Variants in HOOK1 observed in about 807,000 individuals in gnomAD.
The protein encoded by HOOK1 is protein Hook homolog 1.
Under a neutral mutation model 112.8 loss-of-function variants are expected in HOOK1, and 60 were observed. The ratio of observed to expected loss-of-function variants is 0.53; its 90% confidence interval spans 0.43 to 0.66. The LOEUF (loss-of-function observed/expected upper bound fraction) is 0.66. Ranked by LOEUF, HOOK1 falls within the 30% of genes least tolerant of loss-of-function variation. HOOK1 has a pLI of 0.00. For synonymous variants in HOOK1, 294 were observed against 283.8 expected, an observed-to-expected ratio of 1.04 and a Z score of -0.36; for missense variants, 770 against 856.0, an observed-to-expected ratio of 0.90 and a Z score of 1.25.
chr1:59,865,367 T>C, intron 18 of HOOK1, 122 bp downstream of exon 18: 1 of 532,620 alleles, frequency 1.9e-6, no homozygotes, highest in Non-Finnish European at 3.4e-6. Flanking sequence ...ATATTGTAAA[T>C]AAGGACTATG....
Position 59,864,667 on chromosome 1 carries a change from G to C in HOOK1, c.1661+1G>C. 6.6e-7 allele frequency: 1 copy of C among 1,522,760 alleles called. No homozygotes were observed. The allele number at this position is 1,522,760 out of a possible 1,614,324, so 94.3% of individuals were successfully genotyped here. On this transcript the variant is annotated splice_donor_variant, in intron 17 of 21. Coordinates refer to ENST00000371208, the MANE Select transcript of HOOK1 (RefSeq NM_015888.6). LOFTEE classifies it high-confidence loss of function. Reference sequence around the variant, plus strand: ...TAAAGCAGAAGTTGGAAGCTCATATGTAAGTAAAACTGATATTTCTTTTCA... The same window carrying C: ...TAAAGCAGAAGTTGGAAGCTCATATCTAAGTAAAACTGATATTTCTTTTCA...
At position 59,848,315 on chromosome 1, in the gene HOOK1, G is replaced by T. The variant is rs776229061; in HGVS notation, c.930G>T (p.Arg310Ser). Residue 310 changes from arginine to serine, a missense_variant and splice_region_variant, in exon 11 of 22, where the codon AGG becomes AGT. By Grantham distance (110) the Arg-to-Ser change is moderately radical (BLOSUM62 -1). Transcript: ENST00000371208. ...TAATGCTTAGTCTTTATGATTATAG[G>T]GCTACCTCTGATAAAGCAAATAAAC... ...RALKDEIDVL[R>S]ATSDKANKLE... 6.2e-7 allele frequency: 1 copy of T among 1,607,018 alleles called. No homozygotes were observed. Among genetic ancestry groups the T allele is most frequent in the Non-Finnish European group, 8.5e-7 (1 of 1,174,878 alleles).
At chr1:59,830,122 G>A (rs2098392702) in intron 3 of HOOK1, among the ~76,000 whole-genome samples, 1 of 151,940 alleles carries the variant, frequency 6.6e-6, no homozygotes, top group African/African-American at 2.4e-5. Flanking sequence ...CGAACCTATG[G>A]TCTGTCTTGG....
Position 59,855,084 on chromosome 1 carries a change from T to C in HOOK1, c.1243-3344T>C, listed in dbSNP as rs377726434. Reference sequence around the variant, plus strand: ...AACACAGAGAGAGCTATTCTAAGTATGTTCAAAGAACTAAAGCAAACCTTT... The same window carrying C: ...AACACAGAGAGAGCTATTCTAAGTACGTTCAAAGAACTAAAGCAAACCTTT... On this transcript the variant is annotated intron_variant, in intron 12 of 21. Coordinates refer to ENST00000371208, the MANE Select transcript of HOOK1 (RefSeq NM_015888.6). Among the ~76,000 whole-genome samples, 10 of 152,230 alleles carry C rather than the reference T, an allele frequency of 6.6e-5. No individual in the cohort carries two copies. The East Asian group carries it at 1.3e-3, about 20-fold the overall frequency.
At position 59,865,869 on chromosome 1, in the gene HOOK1, T is replaced by C; in HGVS notation, c.1745-3T>C. 3 of 1,472,676 alleles carry C rather than the reference T, an allele frequency of 2.0e-6. No homozygotes were observed. The highest frequency in any genetic ancestry group is 2.8e-6 in the Non-Finnish European group (3 of 1,074,316). 91.2% of individuals were successfully genotyped at this position (1,472,676 alleles called of 1,614,324 possible). ...TTATGCTTCATTTTATTTTTACTAA[T>C]AGTACAAAAGATCAATGAACTTGAA... On this transcript the variant is annotated splice_polypyrimidine_tract_variant and splice_region_variant and intron_variant, in intron 18 of 21. Coordinates refer to ENST00000371208, the MANE Select transcript of HOOK1 (RefSeq NM_015888.6).
At chr1:59,829,316 G>A (rs908073042) in intron 3 of HOOK1, among the ~76,000 whole-genome samples, 2 of 152,028 alleles carry the variant, frequency 1.3e-5, no homozygotes, top group African/African-American at 4.8e-5. Context: ...GTTGATGGAT[G>A]TTTGAATTTT....
At chr1:59,846,584 TTCCTCCC>T (rs1390282974) in intron 9 of HOOK1, among the ~76,000 whole-genome samples, 15 of 89,658 alleles carry the variant, frequency 1.7e-4, no homozygotes, top group African/African-American at 5.6e-4. Context: ...CCTTCCTTCC[TTCCTCCC>T]TCCTCCCTCC....
chr1:59,816,169 G>A (rs1167852182), intron 1 of HOOK1, among the ~76,000 whole-genome samples: 1 of 152,194 alleles, frequency 6.6e-6, no homozygotes, highest in Non-Finnish European at 1.5e-5. Context: ...AATCGGTTGA[G>A]ATTCCCTAGT....
intron 10 of HOOK1, 132 bp from the exon 11 acceptor site, chr1:59,848,183 C>T (rs17119789): frequency 0.07 from 44,097 of 625,990 alleles, 1,622 homozygotes; most frequent in African/African-American, 0.12. Context: ...ACAATTTCCT[C>T]TTCTCACTCA....
At chr1:59,833,733 G>T (rs1261672302) in intron 5 of HOOK1, among the ~76,000 whole-genome samples, 196 bp downstream of exon 5, 3 of 152,068 alleles carry the variant, frequency 2.0e-5, no homozygotes, top group Admixed American at 2.0e-4. Flanking sequence ...CCTGGATTCT[G>T]ATATTCATAT....
At position 59,872,839 on chromosome 1, in the gene HOOK1, C is replaced by G; in HGVS notation, c.2061C>G (p.Ser687Arg). 6.8e-7 allele frequency: 1 copy of G among 1,474,992 alleles called. No homozygotes were observed. Among genetic ancestry groups the G allele is most frequent in the South Asian group, 1.4e-5 (1 of 71,482 alleles). 91.4% of individuals were successfully genotyped at this position (1,474,992 alleles called of 1,614,324 possible). The change falls in exon 22 of 22, where the codon AGC (serine) becomes AGG (arginine). Residue 687 changes from serine (S) to arginine (R), a missense_variant. This residue lies in a region of HOOK1 where 111 missense variants were observed against 111.8 expected (regional missense o/e 0.99). Transcript: ENST00000371208. ...QKLGMESRLV[S>R]GGGACSDTGA... ...TGGGGATGGAATCTAGACTTGTGAG[C>G]GGCGGTGGTGCCTGCAGTGACACTG...
chr1:59,858,351 A>T, intron 12 of HOOK1, 77 bp from the exon 13 acceptor site: 2 of 904,046 alleles, frequency 2.2e-6, no homozygotes, highest in Non-Finnish European at 3.7e-6. Flanking sequence ...TAAACTAGTT[A>T]AGATAAATTG....
chr1:59,820,353 A>G (rs1197909440), intron 1 of HOOK1, among the ~76,000 whole-genome samples: 18 of 152,208 alleles, frequency 1.2e-4, no homozygotes. Flanking sequence ...CTTATTATGT[A>G]GATAATGCCA....
chr1:59,821,985 CAATACATACCA>C, intron 2 of HOOK1, 42 bp downstream of exon 2: 2 of 1,432,078 alleles, frequency 1.4e-6, no homozygotes, highest in Non-Finnish European at 2.0e-6. Context: ...ATTGTAAACC[CAATACATACCA>C]AGGAAGAAAA....
At position 59,842,824 on chromosome 1, in the gene HOOK1, A is replaced by T. The variant is rs188131329; in HGVS notation, c.622-608A>T. The stretch of plus-strand genomic sequence containing the variant: ...TCATGCATGTTTTAAAAATATGAAT[A>T]AAAAAAATTGCTCCAGGTACTGATA... On this transcript the variant is annotated intron_variant, in intron 8 of 21. Transcript: ENST00000371208. 1.4e-3 allele frequency among the ~76,000 whole-genome samples: 210 copies of T among 152,074 alleles called. 1 individual carries two copies. The highest frequency in any genetic ancestry group is 2.1e-3 in the South Asian group (10 of 4,818).
intron 21 of HOOK1, among the ~76,000 whole-genome samples, chr1:59,872,279 G>C (rs1644066729): frequency 6.6e-6 from 1 of 152,170 alleles, no homozygotes; most frequent in South Asian, 2.1e-4. Context: ...AATCTATACT[G>C]GTGGTTCTTA....
In HOOK1 at chr1:59,859,312, TTAAC is replaced by T. The variant is rs201024322; in HGVS notation, c.1391+270_1391+273del. On this transcript the variant is annotated intron_variant, in intron 14 of 21. Transcript: ENST00000371208. The stretch of plus-strand genomic sequence containing the variant: ...CCCCATGTGCTATGTTATAATTGCT[TTAAC>T]TAGGGAGATTTAAGTATATACTTTA... Among the ~76,000 whole-genome samples, 1,417 of 152,204 alleles carry T rather than the reference TTAAC, an allele frequency of 9.3e-3. 17 individuals are homozygous for T. Among genetic ancestry groups the T allele is most frequent in the African/African-American group, 0.032 (1,326 of 41,554 alleles).
At position 59,872,881 on chromosome 1, in the gene HOOK1, G is replaced by A. The variant is rs565287694; in HGVS notation, c.2103G>A (p.Ala701=). Reference sequence around the variant, plus strand: ...GTGACACTGGTGCGTGCACTCCTGCGCGGTCTTTCTTAGCGCAGCAACGGC... The same window carrying A: ...GTGACACTGGTGCGTGCACTCCTGCACGGTCTTTCTTAGCGCAGCAACGGC... The part of the protein sequence containing the change: ...ACSDTGACTP[A]RSFLAQQRHI... The change falls in exon 22 of 22, where the codon GCG becomes GCA. Residue 701 remains alanine (A), a synonymous_variant. Transcript: ENST00000371208. 1.8e-4 allele frequency: 273 copies of A among 1,529,566 alleles called. 1 individual carries two copies. In the South Asian group the frequency reaches 3.1e-3, roughly 17 times the overall value. The allele number at this position is 1,529,566 out of a possible 1,614,324, so 94.7% of individuals were successfully genotyped here. A position where few individuals can be genotyped will look rare whatever the true frequency, so the allele number is the denominator to read the frequency against.
Position 59,833,473 on chromosome 1 carries a change from A to G in HOOK1, c.342A>G (p.Pro114=), listed in dbSNP as rs757088201. The part of the protein sequence containing the change: ...DLNQITECSD[P]VELGRLLQLI... ...ACCAAATAACCGAATGTTCAGATCC[A>G]GTGGAGCTTGGGAGGTTGCTCCAGC... Residue 114 remains proline (P), a synonymous_variant, in exon 5 of 22, where the codon CCA becomes CCG. Transcript: ENST00000371208. 1 of 1,594,638 alleles carries G rather than the reference A, an allele frequency of 6.3e-7. No individual in the cohort carries two copies. The highest frequency in any genetic ancestry group is 8.6e-7 in the Non-Finnish European group (1 of 1,166,780).
Sources: gnomAD v4.1 joint callset for allele counts (sites outside exome capture counted in the v4.1 genomes callset) on GRCh38, gnomAD v4.1.1 for gene constraint, gnomAD v4.1.1 regional missense constraint, MANE v1.5 for transcripts, NCBI Gene and HGNC (gene_info 2026-07-23, HGNC 2026-07-21) for gene names.